FHIT: variants seen among roughly 807,000 people sequenced by gnomAD.
FHIT encodes bis(5'-adenosyl)-triphosphatase.
Under a neutral mutation model 17.9 loss-of-function variants are expected in FHIT, and 19 were observed. That is an observed-to-expected ratio of 1.06 (90% CI 0.74 to 1.56). FHIT has a LOEUF of 1.56. Ranked by LOEUF, FHIT falls within the 40% of genes most tolerant of loss-of-function variation. The pLI, the probability that FHIT is intolerant of heterozygous loss-of-function variation, is 0.00. For missense variants in FHIT, 248 were observed against 189.2 expected, an observed-to-expected ratio of 1.31 and a Z score of -1.82; for synonymous variants, 81 against 69.7, an observed-to-expected ratio of 1.16 and a Z score of -0.81.
At chr3:60,017,450 T>C (rs1203289262) in intron 5 of FHIT, among the ~76,000 whole-genome samples, 1 of 152,174 alleles carries the variant, frequency 6.6e-6, no homozygotes, top group South Asian at 2.1e-4. Flanking sequence ...TGCTTCAAGG[T>C]GACTTGGGCT....
chr3:61,020,146 T>G (rs1383952554), intron 3 of FHIT, among the ~76,000 whole-genome samples: 3 of 152,190 alleles, frequency 2.0e-5, no homozygotes, highest in Non-Finnish European at 4.4e-5. Context: ...TATTTTACAC[T>G]CCCACCAACA....
chr3:60,247,285 A>C (rs1705447780), intron 5 of FHIT, among the ~76,000 whole-genome samples: 1 of 152,060 alleles, frequency 6.6e-6, no homozygotes, highest in African/African-American at 2.4e-5. Context: ...GCTACTTGGG[A>C]ATCTGAGGCA....
chr3:60,986,101 T>C (rs1367787616), intron 3 of FHIT, among the ~76,000 whole-genome samples: 3 of 152,232 alleles, frequency 2.0e-5, no homozygotes, highest in African/African-American at 2.4e-5. Context: ...CCCCCTTAAC[T>C]TGATCATATC....
At chr3:61,148,822 T>C (rs1013788158) in intron 2 of FHIT, among the ~76,000 whole-genome samples, 1 of 152,212 alleles carries the variant, frequency 6.6e-6, no homozygotes, top group Non-Finnish European at 1.5e-5. Context: ...TCATAACTTA[T>C]TGGTTTCAAT....
chr3:59,762,743 AAATTGCATCTCAGGGCAG>A (rs1319200053), intron 8 of FHIT, among the ~76,000 whole-genome samples: 2 of 152,226 alleles, frequency 1.3e-5, no homozygotes, highest in Non-Finnish European at 2.9e-5. Context: ...TCTGAGGGGA[AAATTGCATCTCAGGGCAG>A]TTTTCAGGAA....
chr3:61,121,628 T>G (rs765708438), intron 2 of FHIT, among the ~76,000 whole-genome samples: 1 of 152,178 alleles, frequency 6.6e-6, no homozygotes, highest in Non-Finnish European at 1.5e-5. Context: ...CAGGAGCTAC[T>G]GCAAAAACAT....
chr3:60,485,001 C>G (rs1183765085), intron 5 of FHIT, among the ~76,000 whole-genome samples: 1 of 152,108 alleles, frequency 6.6e-6, no homozygotes, highest in Non-Finnish European at 1.5e-5. Flanking sequence ...AGGATATGAA[C>G]AGACATTTCT....
chr3:60,893,411 T>C (rs1705618130), intron 3 of FHIT, among the ~76,000 whole-genome samples: 1 of 152,240 alleles, frequency 6.6e-6, no homozygotes. Flanking sequence ...TCTTTTGTTA[T>C]AGAGCCCTAG....
chr3:61,155,978 G>A (rs973906896), intron 2 of FHIT, among the ~76,000 whole-genome samples: 13 of 152,180 alleles, frequency 8.5e-5, no homozygotes, highest in African/African-American at 2.9e-4. Flanking sequence ...GTGCTAGCCA[G>A]AGAGTATCTA....
At chr3:60,725,303 T>A (rs559772354) in intron 4 of FHIT, among the ~76,000 whole-genome samples, 1 of 152,336 alleles carries the variant, frequency 6.6e-6, no homozygotes, top group South Asian at 2.1e-4. Context: ...GATGTCCAAT[T>A]TATCCATTTT....
chr3:60,838,070 AT>A (rs1702595148), intron 3 of FHIT, among the ~76,000 whole-genome samples: 1 of 152,174 alleles, frequency 6.6e-6, no homozygotes, highest in Non-Finnish European at 1.5e-5. Flanking sequence ...GAAGAGATCC[AT>A]TTTTAATTGT....
At chr3:60,118,303 A>T (rs1705073414) in intron 5 of FHIT, among the ~76,000 whole-genome samples, 1 of 148,086 alleles carries the variant, frequency 6.8e-6, no homozygotes, top group East Asian at 2.0e-4. Context: ...TTTTGTAGAG[A>T]CAGGGTCTTT....
At chr3:60,095,758 G>C (rs146326740) in intron 5 of FHIT, among the ~76,000 whole-genome samples, 63 of 152,304 alleles carry the variant, frequency 4.1e-4, no homozygotes, top group African/African-American at 1.5e-3. Context: ...ACAACAGCCT[G>C]TTCGTTCTGT....
chr3:60,070,847 C>T (rs940255329), intron 5 of FHIT, among the ~76,000 whole-genome samples: 11 of 152,144 alleles, frequency 7.2e-5, no homozygotes, highest in African/African-American at 2.4e-4. Flanking sequence ...AGTTGGATGG[C>T]ATTTGTCTTA....
At chr3:61,094,428 CTTAGAGCAATAAAA>C (rs1286518345) in intron 2 of FHIT, among the ~76,000 whole-genome samples, 3 of 152,086 alleles carry the variant, frequency 2.0e-5, no homozygotes, top group East Asian at 3.9e-4. Flanking sequence ...TAAGAAGAAT[CTTAGAGCAATAAAA>C]TTAGACAATT....
At chr3:60,359,491 G>A (rs1455772514) in intron 5 of FHIT, among the ~76,000 whole-genome samples, 2 of 151,960 alleles carry the variant, frequency 1.3e-5, no homozygotes, top group Admixed American at 6.6e-5. Context: ...ATGTTGGCCA[G>A]GATGGTCTCA....
intron 8 of FHIT, among the ~76,000 whole-genome samples, chr3:59,760,203 G>A (rs1464240934): frequency 6.6e-6 from 1 of 152,124 alleles, no homozygotes; most frequent in African/African-American, 2.4e-5. Flanking sequence ...GCTGAAATAA[G>A]CTCTTATATT....
Position 60,142,395 on chromosome 3 carries a change from C to T in FHIT, c.104-128243G>A, listed in dbSNP as rs757393635. Among the ~76,000 whole-genome samples, 68 of 152,138 alleles carry T rather than the reference C, an allele frequency of 4.5e-4. 2 individuals carry two copies. The highest frequency in any genetic ancestry group is 4.7e-4 in the Non-Finnish European group (32 of 68,038). ...CTATATTATTTGTAACCTTACTTAC[C>T]GGGTCAAGGGCTAATAGTGGTAGTA... On this transcript the variant is annotated intron_variant, in intron 5 of 9. Coordinates refer to ENST00000492590, the MANE Select transcript of FHIT (RefSeq NM_002012.4).
At chr3:61,013,394 C>T (rs1287819206) in intron 3 of FHIT, among the ~76,000 whole-genome samples, 1 of 152,170 alleles carries the variant, frequency 6.6e-6, no homozygotes, top group African/African-American at 2.4e-5. Flanking sequence ...TACCCTAAGA[C>T]TCATTACAGC....
Sources: gnomAD v4.1 joint callset for allele counts (sites outside exome capture counted in the v4.1 genomes callset) on GRCh38, gnomAD v4.1.1 for gene constraint, MANE v1.5 for transcripts, NCBI Gene and HGNC (gene_info 2026-07-23, HGNC 2026-07-21) for gene names.